Variants in CNTN1 observed in about 807,000 individuals in gnomAD.
The protein encoded by CNTN1 is contactin-1.
CNTN1 carries 38 observed loss-of-function variants against 126.4 expected under a neutral mutation model. That is an observed-to-expected ratio of 0.30 (90% confidence interval 0.23 to 0.39). CNTN1 has a LOEUF of 0.39. Among genes scored for constraint, CNTN1 ranks in the 10% least tolerant of loss-of-function variants. The pLI is 1.00. For synonymous variants in CNTN1, 413 were observed against 422.6 expected, an observed-to-expected ratio of 0.98 and a Z score of 0.28; for missense variants, 1,009 against 1,248.4, an observed-to-expected ratio of 0.81 and a Z score of 2.89.
chr12:40,943,345 G>A (rs1420676716), intron 12 of CNTN1, among the ~76,000 whole-genome samples: 1 of 152,036 alleles, frequency 6.6e-6, no homozygotes, highest in Non-Finnish European at 1.5e-5. Context: ...CTGTCCCATA[G>A]TGGAAGGTCA....
At chr12:41,066,012 A>G (rs1950043173) in intron 23 of CNTN1, among the ~76,000 whole-genome samples, 1 of 152,100 alleles carries the variant, frequency 6.6e-6, no homozygotes. Context: ...TACCTAATAT[A>G]CCTCATATAT....
intron 1 of CNTN1, among the ~76,000 whole-genome samples, chr12:40,844,068 G>GTTTTTTTTTTTTTTTTTTTTTTTTTT (rs1424373022): frequency 7.5e-5 from 3 of 40,238 alleles, no homozygotes; most frequent in African/African-American, 7.0e-5. Flanking sequence ...TTGGCACAAT[G>GTTTTTTTTTTTTTTTTTTTTTTTTTT]ATTTTTTTTT....
At chr12:41,007,463 A>G (rs1432710319) in intron 17 of CNTN1, among the ~76,000 whole-genome samples, 4 of 152,198 alleles carry the variant, frequency 2.6e-5, no homozygotes, top group African/African-American at 4.8e-5. Context: ...ATCTTGCACC[A>G]GGAAAACTTA....
intron 1 of CNTN1, among the ~76,000 whole-genome samples, chr12:40,727,238 T>A (rs1370862543): frequency 2.6e-5 from 4 of 151,594 alleles, no homozygotes; most frequent in Non-Finnish European, 5.9e-5. Context: ...AAATTCCGGA[T>A]ATATGCTATT....
intron 6 of CNTN1, among the ~76,000 whole-genome samples, chr12:40,929,591 A>G (rs1044114928): frequency 3.9e-5 from 6 of 152,028 alleles, no homozygotes; most frequent in Non-Finnish European, 1.5e-5. Flanking sequence ...AGATAAATAG[A>G]TGTAATTGCT....
intron 20 of CNTN1, among the ~76,000 whole-genome samples, chr12:41,021,369 AT>A (rs762312382): frequency 1.3e-4 from 19 of 149,626 alleles, no homozygotes; most frequent in Non-Finnish European, 1.0e-4. Context: ...GCCAGCTTGC[AT>A]TCTCAGCTTC....
intron 1 of CNTN1, among the ~76,000 whole-genome samples, chr12:40,896,377 A>G (rs1299080348): frequency 6.6e-6 from 1 of 152,150 alleles, no homozygotes; most frequent in Non-Finnish European, 1.5e-5. Flanking sequence ...CATTTTTTAT[A>G]TAATTCTCAG....
intron 1 of CNTN1, among the ~76,000 whole-genome samples, chr12:40,744,021 A>T (rs1938061873): frequency 1.3e-5 from 2 of 152,154 alleles, no homozygotes; most frequent in Non-Finnish European, 2.9e-5. Context: ...ATCCTCAGCA[A>T]ACTAACACAG....
chr12:40,792,125 G>A (rs550723684), intron 1 of CNTN1, among the ~76,000 whole-genome samples: 4 of 151,982 alleles, frequency 2.6e-5, no homozygotes, highest in Non-Finnish European at 5.9e-5. Context: ...CAGGAATTCC[G>A]AAAAGGCAAA....
At position 40,838,050 on chromosome 12, in the gene CNTN1, C is replaced by A. The variant is rs1016705561; in HGVS notation, c.-76-70307C>A. Among the ~76,000 whole-genome samples the A allele has an allele frequency of 7.4e-3, 1,125 of 152,332 alleles. 18 individuals are homozygous for A. Among genetic ancestry groups the A allele is most frequent in the African/African-American group, 0.022 (933 of 41,564 alleles). ...GGCACCTGAGGATTACCCTACCCCA[C>A]CCACAATGGTTGGTGCTTGCTTTCC... is the stretch of plus-strand genomic sequence containing the variant. On this transcript the variant is annotated intron_variant, in intron 1 of 23. Transcript: ENST00000551295.
At chr12:40,971,731 A>C (rs1344740001) in intron 15 of CNTN1, 3 of 1,322,688 alleles carry the variant, frequency 2.3e-6, no homozygotes, top group Non-Finnish European at 2.9e-6. Context: ...ATGCCTAGTG[A>C]ACTAACTCAG....
At chr12:40,898,773 C>T (rs908493813) in intron 1 of CNTN1, among the ~76,000 whole-genome samples, 5 of 152,154 alleles carry the variant, frequency 3.3e-5, no homozygotes, top group African/African-American at 1.2e-4. Flanking sequence ...TCTCATTCTC[C>T]CTTCAGGGGT....
intron 1 of CNTN1, among the ~76,000 whole-genome samples, chr12:40,857,326 CT>C (rs1942947888): frequency 6.6e-6 from 1 of 152,046 alleles, no homozygotes; most frequent in South Asian, 2.1e-4. Flanking sequence ...TTTGGTAGGG[CT>C]GTTGAAAATA....
At chr12:40,699,197 C>T (rs1941534676) in intron 1 of CNTN1, among the ~76,000 whole-genome samples, 1 of 152,100 alleles carries the variant, frequency 6.6e-6, no homozygotes, top group South Asian at 2.1e-4. Context: ...TTCTTTGTGT[C>T]TGATAGAGGA....
At chr12:40,721,730 T>C (rs1592011348) in intron 1 of CNTN1, among the ~76,000 whole-genome samples, 1 of 123,876 alleles carries the variant, frequency 8.1e-6, no homozygotes, top group Non-Finnish European at 1.6e-5. Context: ...GTCCCCAGAG[T>C]GTGATGTTCC....
chr12:40,947,988 G>A (rs1271983361), intron 14 of CNTN1, among the ~76,000 whole-genome samples: 2 of 151,742 alleles, frequency 1.3e-5, no homozygotes, highest in African/African-American at 2.4e-5. Flanking sequence ...CTTATGTGGT[G>A]ACTCTGATCC....
chr12:41,058,268 A>G (rs949256607), intron 23 of CNTN1, among the ~76,000 whole-genome samples: 1 of 152,196 alleles, frequency 6.6e-6, no homozygotes, highest in Non-Finnish European at 1.5e-5. Context: ...ATGTTACTAT[A>G]TCATCATTGA....
intron 1 of CNTN1, among the ~76,000 whole-genome samples, chr12:40,875,026 C>T (rs148648337): frequency 6.6e-6 from 1 of 152,102 alleles, no homozygotes; most frequent in Non-Finnish European, 1.5e-5. Context: ...TGCCTTTGGG[C>T]ACACGTATAT....
intron 1 of CNTN1, chr12:40,895,893 G>A (rs1944394310): frequency 6.6e-6 from 1 of 151,580 alleles, no homozygotes; most frequent in Non-Finnish European, 1.5e-5. Flanking sequence ...GAGTAGCTGG[G>A]ACTACAGGCG....
Sources: allele counts gnomAD v4.1 joint callset (sites outside exome capture counted in the v4.1 genomes callset), GRCh38; gene constraint gnomAD v4.1.1; transcripts MANE v1.5; gene names NCBI Gene and HGNC (gene_info 2026-07-23, HGNC 2026-07-21).